SEPTIN10: variants seen among roughly 807,000 people sequenced by gnomAD.
SEPTIN10 encodes the protein septin-10.
Under a neutral mutation model 54.8 loss-of-function variants are expected in SEPTIN10, and 66 were observed. The ratio of observed to expected loss-of-function variants is 1.21; its 90% CI spans 0.99 to 1.48. The LOEUF is 1.48. SEPTIN10 is among the 40% of genes most tolerant of loss of function. The pLI is 0.00. For synonymous variants in SEPTIN10, 161 were observed against 181.0 expected (o/e 0.89, Z 0.89); for missense variants, 620 against 545.6 (o/e 1.14, Z -1.36).
intron 1 of SEPTIN10, among the ~76,000 whole-genome samples, chr2:109,604,443 G>C (rs866590081): frequency 9.5e-4 from 137 of 144,252 alleles, no homozygotes; most frequent in African/African-American, 3.4e-3. Context: ...GAAAAGAAAA[G>C]AGGCCGGGCG....
chr2:109,559,807 T>C (rs998788875), intron 8 of SEPTIN10, among the ~76,000 whole-genome samples: 12 of 152,066 alleles, frequency 7.9e-5, no homozygotes, highest in Non-Finnish European at 8.8e-5. Context: ...ATGGTTTCAG[T>C]TCATTCATTC....
In SEPTIN10 at chr2:109,544,122, T is replaced by C. The variant is rs1680552757; in HGVS notation, c.*187A>G. On this transcript the variant is annotated 3_prime_UTR_variant, in exon 11 of 11. Coordinates refer to ENST00000397712, the MANE Select transcript of SEPTIN10 (RefSeq NM_144710.5). ...AATTAGAGATGCTCAACTTGTAGTA[T>C]CATTCACTCTGGCTTATGTATTGAC... 3.3e-6 allele frequency: 5 copies of C among 1,520,320 alleles called. No homozygotes were observed. The highest frequency in any genetic ancestry group is 2.4e-5 in the East Asian group (1 of 40,960). The allele number at this position is 1,520,320 out of a possible 1,614,324, so 94.2% of individuals were successfully genotyped here.
chr2:109,545,035 G>T lies in SEPTIN10; in HGVS notation c.1350-711C>A, dbSNP rs561468893. ...TATTTAAAAATTGAAAGCCACCAATGGGCCAAGGTTATGTTTTCCTATTTT... is the reference window on the plus strand; with the variant it reads ...TATTTAAAAATTGAAAGCCACCAATTGGCCAAGGTTATGTTTTCCTATTTT... On this transcript the variant is annotated intron_variant, in intron 10 of 10. Coordinates refer to ENST00000397712, the MANE Select transcript of SEPTIN10 (RefSeq NM_144710.5). 4.1e-6 allele frequency: 4 copies of T among 985,368 alleles called. No homozygotes were observed. The South Asian group carries it at 1.4e-4, about 35-fold the overall frequency. The allele number at this position is 985,368 out of a possible 1,614,324, so 61.0% of individuals were successfully genotyped here.
chr2:109,578,925 G>C (rs542739427), intron 4 of SEPTIN10, among the ~76,000 whole-genome samples: 2 of 152,042 alleles, frequency 1.3e-5, no homozygotes, highest in Admixed American at 6.6e-5. Flanking sequence ...AAGTACAGAC[G>C]TAAGAGCAGA....
chr2:109,573,824 T>C (rs1369293131), intron 5 of SEPTIN10, among the ~76,000 whole-genome samples: 2 of 152,208 alleles, frequency 1.3e-5, no homozygotes, highest in East Asian at 3.8e-4. Flanking sequence ...CCTAAATTTA[T>C]ATATAGCTCC....
chr2:109,604,374 A>G lies in SEPTIN10; in HGVS notation c.30+9424T>C, dbSNP rs1472910437. 6.0e-3 allele frequency among the ~76,000 whole-genome samples: 137 copies of G among 22,686 alleles called. 2 individuals carry two copies. Among genetic ancestry groups the G allele is most frequent in the Non-Finnish European group, 9.7e-3 (115 of 11,874 alleles). The allele number at this position is 22,686 out of a possible 152,430, so 14.9% of individuals were successfully genotyped here. ...GAAAGAAAAAGAAAGAAAGGAAAGA[A>G]GGGAAGGGAAGGGGAGGGGCGGGGC... On this transcript the variant is annotated intron_variant, in intron 1 of 10. Coordinates refer to ENST00000397712, the MANE Select transcript of SEPTIN10 (RefSeq NM_144710.5).
chr2:109,612,937 G>T (rs1351776468), intron 1 of SEPTIN10, among the ~76,000 whole-genome samples: 1 of 152,226 alleles, frequency 6.6e-6, no homozygotes, highest in Non-Finnish European at 1.5e-5. Context: ...AACTTCTCAT[G>T]TAGGAGGTTG....
intron 8 of SEPTIN10, among the ~76,000 whole-genome samples, chr2:109,556,788 A>T (rs1454115829): frequency 2.6e-5 from 4 of 152,206 alleles, no homozygotes; most frequent in Admixed American, 2.6e-4. Flanking sequence ...TCTTGAATTC[A>T]GACTGGATTA....
At chr2:109,603,625 C>T (rs542108422) in intron 1 of SEPTIN10, among the ~76,000 whole-genome samples, 1 of 152,218 alleles carries the variant, frequency 6.6e-6, no homozygotes, top group African/African-American at 2.4e-5. Flanking sequence ...AAATCAATAT[C>T]CTTGCAATTT....
chr2:109,570,412 T>C (rs550166161), intron 5 of SEPTIN10, among the ~76,000 whole-genome samples: 3 of 152,058 alleles, frequency 2.0e-5, no homozygotes, highest in African/African-American at 7.2e-5. Flanking sequence ...TTCAACCAAC[T>C]GAGGATCAAA....
At chr2:109,556,065 C>T (rs2104886984) in intron 8 of SEPTIN10, among the ~76,000 whole-genome samples, 1 of 152,302 alleles carries the variant, frequency 6.6e-6, no homozygotes, top group South Asian at 2.1e-4. Context: ...CTAGACATTT[C>T]AGTTTCTTTA....
At chr2:109,546,592 TAGAA>T (rs1326085757) in intron 9 of SEPTIN10, among the ~76,000 whole-genome samples, 1 of 151,958 alleles carries the variant, frequency 6.6e-6, no homozygotes, top group Non-Finnish European at 1.5e-5. Context: ...ATGCAAAGTA[TAGAA>T]AGAAATTACC....
chr2:109,606,986 A>G (rs1698140434), intron 1 of SEPTIN10, among the ~76,000 whole-genome samples: 1 of 152,190 alleles, frequency 6.6e-6, no homozygotes, highest in African/African-American at 2.4e-5. Context: ...AAGAATTGAA[A>G]GGCTTCTCAT....
At chr2:109,545,603 A>G in intron 10 of SEPTIN10, 2 of 1,532,382 alleles carry the variant, frequency 1.3e-6, no homozygotes, top group Non-Finnish European at 1.7e-6. Flanking sequence ...AAAAAACTGA[A>G]CCTAAGAATT....
At chr2:109,565,700 T>A in intron 7 of SEPTIN10, 63 bp downstream of exon 7, 1 of 1,344,604 alleles carries the variant, frequency 7.4e-7, no homozygotes, top group Non-Finnish European at 1.1e-6. Flanking sequence ...AAAGAAGGCA[T>A]GACAGGTAGC....
chr2:109,582,215 C>T (rs1471272523), intron 4 of SEPTIN10, among the ~76,000 whole-genome samples: 2 of 151,822 alleles, frequency 1.3e-5, no homozygotes, highest in Non-Finnish European at 2.9e-5. Context: ...CAGATGACAC[C>T]GACAAACTGA....
At chr2:109,612,878 C>T (rs1230774730) in intron 1 of SEPTIN10, among the ~76,000 whole-genome samples, 1 of 152,150 alleles carries the variant, frequency 6.6e-6, no homozygotes, top group African/African-American at 2.4e-5. Context: ...TCACTTTGGA[C>T]GGATCCTCTA....
chr2:109,556,046 C>CAGAGCTCTCT (rs1684296265), intron 8 of SEPTIN10, among the ~76,000 whole-genome samples: 1 of 152,160 alleles, frequency 6.6e-6, no homozygotes, highest in Non-Finnish European at 1.5e-5. Context: ...GACTATCCAG[C>CAGAGCTCTCT]AGAGCTCTCT....
At chr2:109,562,607 CTGA>C (rs1000230933) in intron 8 of SEPTIN10, among the ~76,000 whole-genome samples, 1 of 152,158 alleles carries the variant, frequency 6.6e-6, no homozygotes, top group African/African-American at 2.4e-5. Flanking sequence ...CCACAGGTGA[CTGA>C]TGATGACTCC....
Sources: gnomAD v4.1 joint callset for allele counts (sites outside exome capture counted in the v4.1 genomes callset) on GRCh38, gnomAD v4.1.1 for gene constraint, MANE v1.5 for transcripts, NCBI Gene and HGNC (gene_info 2026-07-23, HGNC 2026-07-21) for gene names.